Variants in LYST observed in about 807,000 individuals in gnomAD.
LYST encodes the protein lysosomal-trafficking regulator.
LYST carries 192 observed loss-of-function variants against 413.6 expected under a neutral mutation model. The ratio of observed to expected loss-of-function variants is 0.46; its 90% CI spans 0.41 to 0.52. LYST has a LOEUF of 0.52. LYST is among the 20% of genes least tolerant of loss of function. The pLI is 0.00. For synonymous variants in LYST, 1,525 were observed against 1,567.3 expected, an observed-to-expected ratio of 0.97 and a Z score of 0.64; for missense variants, 3,815 against 4,499.9, an observed-to-expected ratio of 0.85 and a Z score of 4.35.
At position 235,782,040 on chromosome 1, in the gene LYST, A is replaced by T; in HGVS notation, c.4910T>A (p.Leu1637Ter). The change falls in exon 15 of 53, where the codon TTG (leucine) becomes TAG (stop). Residue 1637 changes from leucine to a stop codon, truncating the protein, a stop_gained. Transcript: ENST00000389793. LOFTEE classifies it high-confidence loss of function. Reference protein sequence around the residue: ...LDFMLPRKTSLSSDSNKTFCM... With the variant: ...LDFMLPRKTS Reference sequence around the variant, plus strand: ...AAATGTTTTATTGCTATCAGATGACAAACTTGTTTTTCTTGGAAGCATAAA... The same window carrying T: ...AAATGTTTTATTGCTATCAGATGACTAACTTGTTTTTCTTGGAAGCATAAA... The T allele has an allele frequency of 6.2e-7, 1 of 1,613,122 alleles. No homozygotes were observed. Among genetic ancestry groups the T allele is most frequent in the Non-Finnish European group, 8.5e-7 (1 of 1,179,130 alleles).
chr1:235,723,968 T>A (rs1457206180), intron 39 of LYST, 60 bp downstream of exon 39: 2 of 1,360,948 alleles, frequency 1.5e-6, no homozygotes, highest in Non-Finnish European at 1.1e-6. Flanking sequence ...AGTATGAGTA[T>A]AGTTACAGTG....
intron 21 of LYST, 57 bp from the exon 22 acceptor site, chr1:235,762,908 T>C: frequency 7.6e-7 from 1 of 1,318,098 alleles, no homozygotes; most frequent in South Asian, 1.2e-5. Context: ...AAAACGAAAA[T>C]ATAACTTTAA....
intron 1 of LYST, among the ~76,000 whole-genome samples, chr1:235,855,018 C>G (rs1010471348): frequency 6.6e-6 from 1 of 152,192 alleles, no homozygotes; most frequent in East Asian, 1.9e-4. Context: ...ACACATAACA[C>G]GTTGTACCAC....
intron 25 of LYST, among the ~76,000 whole-genome samples, chr1:235,754,145 TG>T (rs1215330840): frequency 1.3e-5 from 2 of 152,026 alleles, no homozygotes; most frequent in Non-Finnish European, 2.9e-5. Context: ...CTGAAGGCTC[TG>T]AGGAGAGTAA....
intron 47 of LYST, among the ~76,000 whole-genome samples, chr1:235,687,934 A>C (rs1056297458): frequency 1.3e-5 from 2 of 152,168 alleles, no homozygotes; most frequent in Non-Finnish European, 2.9e-5. Context: ...CCCCCCTTGC[A>C]CTACAAGTGT....
intron 4 of LYST, 121 bp downstream of exon 4, chr1:235,812,850 T>A (rs551661113): frequency 1.4e-6 from 1 of 708,542 alleles, no homozygotes; most frequent in South Asian, 1.6e-5. Flanking sequence ...ATATTTAGTA[T>A]GAATAAATCA....
chr1:235,870,654 T>G (rs1227176633), upstream of LYST, among the ~76,000 whole-genome samples: 1 of 152,244 alleles, frequency 6.6e-6, no homozygotes, highest in African/African-American at 2.4e-5. Flanking sequence ...TCTAACATAC[T>G]ACATAATTTG....
chr1:235,742,771 C>A (rs1665548831), intron 30 of LYST, among the ~76,000 whole-genome samples: 1 of 152,072 alleles, frequency 6.6e-6, no homozygotes, highest in East Asian at 1.9e-4. Flanking sequence ...AATTGTGCTA[C>A]ATTATTGAGT....
intron 42 of LYST, among the ~76,000 whole-genome samples, 188 bp downstream of exon 42, chr1:235,715,013 T>C (rs958882748): frequency 6.6e-6 from 1 of 152,234 alleles, no homozygotes; most frequent in African/African-American, 2.4e-5. Flanking sequence ...ATTTGAGACA[T>C]TAGCAAGATG....
intron 42 of LYST, 52 bp downstream of exon 42, chr1:235,715,149 T>A (rs1269971901): frequency 7.3e-7 from 1 of 1,368,396 alleles, no homozygotes; most frequent in African/African-American, 1.4e-5. Context: ...TTGTTGTTGT[T>A]GTTGTTTCTG....
chr1:235,880,569 T>C (rs915984450), intron 1 of LYST, among the ~76,000 whole-genome samples: 3 of 152,250 alleles, frequency 2.0e-5, no homozygotes, highest in African/African-American at 7.2e-5. Context: ...TAACTGATAC[T>C]GCCTAGATGG....
intron 45 of LYST, among the ~76,000 whole-genome samples, chr1:235,700,895 A>C (rs1372400251): frequency 6.6e-6 from 1 of 152,242 alleles, no homozygotes; most frequent in Non-Finnish European, 1.5e-5. Context: ...ATGGGAGTAT[A>C]GACAAATAAA....
At chr1:235,712,264 T>G (rs1378946363) in intron 42 of LYST, 67 bp from the exon 43 acceptor site, 38 of 1,178,478 alleles carry the variant, frequency 3.2e-5, no homozygotes, top group Non-Finnish European at 4.4e-5. Context: ...CCTATCATAA[T>G]TAATTTACTT....
At chr1:235,729,711 G>A (rs1664198570) in intron 36 of LYST, 54 bp from the exon 37 acceptor site, 2 of 1,231,994 alleles carry the variant, frequency 1.6e-6, no homozygotes, top group South Asian at 1.2e-5. Flanking sequence ...CAATTTCAGA[G>A]AGGATATGCT....
At chr1:235,726,940 G>T (rs574966879) in intron 38 of LYST, among the ~76,000 whole-genome samples, 1 of 152,224 alleles carries the variant, frequency 6.6e-6, no homozygotes, top group East Asian at 1.9e-4. Context: ...GCTGATAAAA[G>T]GATCCATCTT....
intron 14 of LYST, among the ~76,000 whole-genome samples, chr1:235,785,849 C>T (rs972100978): frequency 7.2e-5 from 11 of 152,134 alleles, no homozygotes; most frequent in African/African-American, 2.7e-4. Context: ...CCTTATAGTT[C>T]CTACAGGCTA....
In LYST at chr1:235,736,219, T is replaced by C. The variant is rs138494204; in HGVS notation, c.8359-1560A>G. 1.9e-3 allele frequency: 290 copies of C among 152,208 alleles called. 2 individuals carry two copies. The highest frequency in any genetic ancestry group is 6.8e-3 in the African/African-American group (283 of 41,562). 9.4% of individuals were successfully genotyped at this position (152,208 alleles called of 1,614,324 possible). ...ACAAAAAACTCTTATTTTCAGCCCT[T>C]AAAAAACTGATTTAAGGAATTGAAT... On this transcript the variant is annotated intron_variant, in intron 31 of 52. Transcript: ENST00000389793.
Position 235,744,081 on chromosome 1 carries a change from G to A in LYST, c.8049C>T (p.Thr2683=), listed in dbSNP as rs774686470. ...GATGAATATTTTCCTCAGAAATTTC[G>A]GTCTGGAAAACTGAGGTCTTGCTTT... ...VTQSKTSVFQ[T]EISEENIHHE... The change falls in exon 30 of 53, where the codon ACC becomes ACT. Residue 2683 remains threonine, a synonymous_variant. Coordinates refer to ENST00000389793, the MANE Select transcript of LYST (RefSeq NM_000081.4). The A allele has an allele frequency of 6.3e-6, 10 of 1,598,520 alleles. No individual in the cohort carries two copies. The highest frequency in any genetic ancestry group is 2.2e-5 in the East Asian group (1 of 44,642).
chr1:235,669,032 A>G (rs1315269893), intron 50 of LYST, among the ~76,000 whole-genome samples: 7 of 152,266 alleles, frequency 4.6e-5, no homozygotes, highest in African/African-American at 1.2e-4. Flanking sequence ...TGTAGAAACA[A>G]CAATAACAAA....
Sources: allele counts gnomAD v4.1 joint callset (sites outside exome capture counted in the v4.1 genomes callset), GRCh38; gene constraint gnomAD v4.1.1; transcripts MANE v1.5; gene names NCBI Gene and HGNC (gene_info 2026-07-23, HGNC 2026-07-21).